The following PRRX1 variants were observed in gnomAD, a reference collection of about 807,000 sequenced individuals.
PRRX1 encodes paired related homeobox 1.
Under a neutral mutation model 24.0 loss-of-function variants are expected in PRRX1, and 8 were observed. The ratio of observed to expected loss-of-function variants is 0.33; its 90% CI spans 0.20 to 0.60. The LOEUF (loss-of-function observed/expected upper bound fraction) is 0.60. PRRX1 is among the 20% of genes least tolerant of loss of function. The pLI, the probability that PRRX1 is intolerant of heterozygous loss-of-function variation, is 0.82. For synonymous variants in PRRX1, 160 were observed against 131.7 expected (o/e 1.22, Z -1.47); for missense variants, 281 against 322.4 (o/e 0.87, Z 0.98).
intron 1 of PRRX1, among the ~76,000 whole-genome samples, chr1:170,689,984 G>T (rs915347434): frequency 2.0e-5 from 3 of 151,450 alleles, no homozygotes; most frequent in Non-Finnish European, 4.4e-5. Context: ...GACTGGATTG[G>T]CATTCCTCAT....
intron 1 of PRRX1, among the ~76,000 whole-genome samples, chr1:170,671,855 C>T (rs1260411202): frequency 3.3e-5 from 5 of 152,056 alleles, no homozygotes; most frequent in Non-Finnish European, 7.4e-5. Context: ...GAGGGTTTGT[C>T]CCCATGGAGC....
At chr1:170,665,254 G>C (rs963185965) in intron 1 of PRRX1, among the ~76,000 whole-genome samples, 2 of 152,212 alleles carry the variant, frequency 1.3e-5, no homozygotes, top group African/African-American at 4.8e-5. Flanking sequence ...CCTTAGAGGA[G>C]CTCTCCCTAT....
At chr1:170,731,649 T>C (rs1355282133) in intron 3 of PRRX1, among the ~76,000 whole-genome samples, 1 of 152,086 alleles carries the variant, frequency 6.6e-6, no homozygotes, top group Non-Finnish European at 1.5e-5. Context: ...TCCTCACAAC[T>C]TTCAGGGTAG....
At chr1:170,719,686 A>T in intron 1 of PRRX1, 40 bp from the exon 2 acceptor site, 2 of 1,603,938 alleles carry the variant, frequency 1.2e-6, no homozygotes, top group Non-Finnish European at 1.7e-6. Flanking sequence ...GGACTCCTAC[A>T]GTGAATTTGG....
intron 2 of PRRX1, among the ~76,000 whole-genome samples, chr1:170,723,103 G>A (rs1655140283): frequency 6.6e-6 from 1 of 152,158 alleles, no homozygotes; most frequent in Admixed American, 6.5e-5. Context: ...GATATAAAAC[G>A]AGGCAATAAG....
At chr1:170,664,753 G>T (rs1652857111) in intron 1 of PRRX1, among the ~76,000 whole-genome samples, 1 of 152,248 alleles carries the variant, frequency 6.6e-6, no homozygotes, top group Non-Finnish European at 1.5e-5. Context: ...CTTTACTTCG[G>T]CTAGGCACCG....
chr1:170,702,906 G>T (rs1477432229), intron 1 of PRRX1, among the ~76,000 whole-genome samples: 2 of 152,148 alleles, frequency 1.3e-5, no homozygotes, highest in Non-Finnish European at 2.9e-5. Flanking sequence ...CATTGGCTTC[G>T]TGCATAATTA....
chr1:170,701,177 T>C (rs1654347789), intron 1 of PRRX1, among the ~76,000 whole-genome samples: 1 of 152,226 alleles, frequency 6.6e-6, no homozygotes, highest in Non-Finnish European at 1.5e-5. Context: ...ATCTCATCTA[T>C]TAAGTTACAG....
chr1:170,689,106 G>T (rs188763258), intron 1 of PRRX1, among the ~76,000 whole-genome samples: 2 of 152,096 alleles, frequency 1.3e-5, no homozygotes, highest in South Asian at 2.1e-4. Context: ...CTAATCCATT[G>T]GTTCCCCATC....
At chr1:170,725,299 AAAAT>A (rs1400471952) in intron 2 of PRRX1, among the ~76,000 whole-genome samples, 1 of 152,200 alleles carries the variant, frequency 6.6e-6, no homozygotes, top group Non-Finnish European at 1.5e-5. Flanking sequence ...AAATAAAATA[AAAAT>A]AAATAAAATT....
At chr1:170,678,867 T>C (rs974737253) in intron 1 of PRRX1, among the ~76,000 whole-genome samples, 1 of 152,236 alleles carries the variant, frequency 6.6e-6, no homozygotes, top group East Asian at 1.9e-4. Flanking sequence ...TGATGCCTGG[T>C]TCACTTGCAT....
intron 2 of PRRX1, among the ~76,000 whole-genome samples, chr1:170,724,036 C>T (rs1655173146): frequency 6.6e-6 from 1 of 152,166 alleles, no homozygotes; most frequent in Non-Finnish European, 1.5e-5. Flanking sequence ...GTGGAATTGT[C>T]ATGTTGACTA....
chr1:170,672,586 C>T (rs999815233), intron 1 of PRRX1, among the ~76,000 whole-genome samples: 2 of 152,260 alleles, frequency 1.3e-5, no homozygotes, highest in Non-Finnish European at 2.9e-5. Flanking sequence ...TGATCCCAGT[C>T]CTCTAAATAT....
intron 1 of PRRX1, among the ~76,000 whole-genome samples, chr1:170,682,959 T>C (rs1182725495): frequency 6.6e-6 from 1 of 152,182 alleles, no homozygotes; most frequent in Non-Finnish European, 1.5e-5. Context: ...ACAAGCTTTA[T>C]AGCCAAGGAA....
intron 2 of PRRX1, among the ~76,000 whole-genome samples, chr1:170,723,526 T>G (rs1220539979): frequency 6.6e-6 from 1 of 152,208 alleles, no homozygotes; most frequent in East Asian, 1.9e-4. Flanking sequence ...AAAGATTTCT[T>G]GAATGAGTAA....
At chr1:170,724,704 G>A (rs566151496) in intron 2 of PRRX1, among the ~76,000 whole-genome samples, 15 of 152,334 alleles carry the variant, frequency 9.8e-5, no homozygotes, top group African/African-American at 2.9e-4. Flanking sequence ...ATAGTTTGAA[G>A]TCAGATAGTG....
chr1:170,715,307 C>T (rs1175610618), intron 1 of PRRX1, among the ~76,000 whole-genome samples: 1 of 152,126 alleles, frequency 6.6e-6, no homozygotes, highest in Non-Finnish European at 1.5e-5. Context: ...TGCTTCTATA[C>T]CATGACATTA....
At chr1:170,705,087 C>A (rs945647967) in intron 1 of PRRX1, among the ~76,000 whole-genome samples, 1 of 152,116 alleles carries the variant, frequency 6.6e-6, no homozygotes, top group Middle Eastern at 3.2e-3. Flanking sequence ...GGGAGAACAT[C>A]CTTAGTGATT....
chr1:170,675,908 A>G (rs946893038), intron 1 of PRRX1, among the ~76,000 whole-genome samples: 2 of 152,136 alleles, frequency 1.3e-5, no homozygotes, highest in Admixed American at 6.5e-5. Context: ...GAGAGAGAGT[A>G]AACACCATTT....
Sources: allele counts gnomAD v4.1 joint callset (sites outside exome capture counted in the v4.1 genomes callset), GRCh38; gene constraint gnomAD v4.1.1; transcripts MANE v1.5; gene names NCBI Gene and HGNC (gene_info 2026-07-23, HGNC 2026-07-21).